Variants in TMEM278 observed in about 807,000 individuals in gnomAD.
The protein encoded by TMEM278 is transmembrane protein 88B.
chr1:1,428,519 C>T, the TMEM278 span, among the ~76,000 whole-genome samples: 3 of 152,160 alleles, frequency 2.0e-5, no homozygotes, highest in Admixed American at 6.5e-5. Flanking sequence ...GAGCTCACAC[C>T]CACCCTGTTT....
At chr1:1,427,911 C>T in the TMEM278 span, 9 of 938,274 alleles carry the variant, frequency 9.6e-6, no homozygotes, top group African/African-American at 1.5e-4. Flanking sequence ...GCAGCGCTCC[C>T]GGCTTACGAC....
At chr1:1,427,855 C>A in the TMEM278 span, 1 of 1,301,998 alleles carries the variant, frequency 7.7e-7, no homozygotes, top group Non-Finnish European at 9.8e-7. Context: ...GTGGCCCGGC[C>A]CGGAAAACTG....
the TMEM278 span, among the ~76,000 whole-genome samples, chr1:1,429,245 G>A: frequency 6.6e-6 from 1 of 152,132 alleles, no homozygotes; most frequent in East Asian, 1.9e-4. Flanking sequence ...CTACTCAGGA[G>A]GCTGAGGCAC....
the TMEM278 span, chr1:1,426,199 G>A: frequency 3.5e-6 from 5 of 1,417,362 alleles, no homozygotes; most frequent in South Asian, 6.0e-5. Context: ...CGCCCATGCT[G>A]CCCCGGGGAC....
At chr1:1,427,825 C>T in the TMEM278 span, 1 of 1,368,706 alleles carries the variant, frequency 7.3e-7, no homozygotes, top group Non-Finnish European at 9.4e-7. Context: ...GGCCTCCGAG[C>T]TCGCGCGCGA....
chr1:1,426,189 C>T, the TMEM278 span: 131 of 1,418,178 alleles, frequency 9.2e-5, 1 homozygote, highest in African/African-American at 1.8e-3. Context: ...TCCGACACAG[C>T]GCCCATGCTG....
chr1:1,426,078 C>A, the TMEM278 span: 5 of 1,322,984 alleles, frequency 3.8e-6, no homozygotes, highest in South Asian at 8.4e-5. Context: ...CTGGAGAGCA[C>A]CACTCTGCAT....
At chr1:1,426,866 G>C in the TMEM278 span, among the ~76,000 whole-genome samples, 6 of 151,972 alleles carry the variant, frequency 3.9e-5, no homozygotes, top group Non-Finnish European at 7.4e-5. Context: ...CTGGTGATGA[G>C]AGGGCGCAGG....
chr1:1,426,173 G>C, the TMEM278 span: 1 of 1,418,254 alleles, frequency 7.1e-7, no homozygotes, highest in Admixed American at 3.0e-5. Flanking sequence ...GGGGGGAGGT[G>C]GTGCTTCCGA....
the TMEM278 span, chr1:1,426,056 TC>T: frequency 1.6e-6 from 2 of 1,283,506 alleles, no homozygotes; most frequent in Non-Finnish European, 2.0e-6. Context: ...TTAAAGGTCT[TC>T]CAGGGCAGCC....
the TMEM278 span, among the ~76,000 whole-genome samples, chr1:1,429,358 AAAG>A: frequency 6.6e-6 from 1 of 152,172 alleles, no homozygotes; most frequent in Non-Finnish European, 1.5e-5. Context: ...AAAAAAAAAA[AAAG>A]GTTAGCATAT....
the TMEM278 span, among the ~76,000 whole-genome samples, chr1:1,429,215 G>A: frequency 6.6e-6 from 1 of 151,898 alleles, no homozygotes; most frequent in Non-Finnish European, 1.5e-5. Flanking sequence ...GGCCATGGTG[G>A]TGCACACCTG....
At chr1:1,428,941 A>G in the TMEM278 span, among the ~76,000 whole-genome samples, 2 of 148,784 alleles carry the variant, frequency 1.3e-5, no homozygotes, top group East Asian at 4.1e-4. Context: ...CAAAGCTTGC[A>G]GTGAGCCAAG....
the TMEM278 span, among the ~76,000 whole-genome samples, chr1:1,430,140 G>A: frequency 6.6e-6 from 1 of 152,228 alleles, no homozygotes; most frequent in Non-Finnish European, 1.5e-5. Context: ...TTACAGGCAT[G>A]AGCCACCCCA....
At chr1:1,427,241 G>A in the TMEM278 span, among the ~76,000 whole-genome samples, 9 of 56,892 alleles carry the variant, frequency 1.6e-4, no homozygotes, top group Middle Eastern at 9.8e-3. Flanking sequence ...TCCCCTCCCC[G>A]CTCCACCCTG....
At chr1:1,426,940 G>C in the TMEM278 span, among the ~76,000 whole-genome samples, 1 of 151,800 alleles carries the variant, frequency 6.6e-6, no homozygotes, top group Non-Finnish European at 1.5e-5. Flanking sequence ...AAGGGACCCT[G>C]CTCAGCCCTT....
At chr1:1,430,193 C>T in the TMEM278 span, among the ~76,000 whole-genome samples, 9 of 152,230 alleles carry the variant, frequency 5.9e-5, no homozygotes, top group South Asian at 8.3e-4. Context: ...GGGGGAGACT[C>T]GGAGATATTT....
chr1:1,427,833 C>T, the TMEM278 span: 15 of 1,350,968 alleles, frequency 1.1e-5, no homozygotes, highest in South Asian at 1.8e-4. Flanking sequence ...AGCTCGCGCG[C>T]GACCCCATCG....
chr1:1,427,705 T>C, the TMEM278 span: 2 of 1,322,168 alleles, frequency 1.5e-6, no homozygotes, highest in Non-Finnish European at 1.9e-6. Context: ...CGCCCGCTGC[T>C]GCCTCCGCCC....
Sources: allele counts gnomAD v4.1 joint callset (sites outside exome capture counted in the v4.1 genomes callset), GRCh38; gene constraint gnomAD v4.1.1; transcripts MANE v1.5; gene names NCBI Gene and HGNC (gene_info 2026-07-23, HGNC 2026-07-21).